The following GADL1 variants were observed in gnomAD, a reference collection of about 807,000 sequenced individuals.
GADL1 encodes the protein GAD like acidic amino acid decarboxylase 1.
In GADL1, 71 loss-of-function variants were observed where a neutral mutation model predicts 69.5. The observed-to-expected ratio is 1.02, with a 90% CI of 0.84 to 1.25. The LOEUF is 1.25. GADL1 is among the 50% of genes most tolerant of loss of function. The probability of loss-of-function intolerance (pLI) is 0.00; values close to 1 mark genes in which losing one functional copy is unlikely to be tolerated. For synonymous variants in GADL1, 254 were observed against 214.4 expected (o/e 1.18, Z -1.62); for missense variants, 737 against 631.8 (o/e 1.17, Z -1.79).
chr3:30,835,249 C>CT (rs1202384540), intron 9 of GADL1, among the ~76,000 whole-genome samples: 3 of 151,956 alleles, frequency 2.0e-5, no homozygotes, highest in Non-Finnish European at 2.9e-5. Flanking sequence ...TTTGGCCAAA[C>CT]TGGGGAGTAT....
At chr3:30,831,861 A>G (rs1697797994) in intron 11 of GADL1, among the ~76,000 whole-genome samples, 1 of 151,986 alleles carries the variant, frequency 6.6e-6, no homozygotes, top group Admixed American at 6.6e-5. Flanking sequence ...TACAATCAAC[A>G]GAGTCTGACA....
At chr3:30,787,771 A>C (rs902869793) in intron 12 of GADL1, among the ~76,000 whole-genome samples, 1 of 152,148 alleles carries the variant, frequency 6.6e-6, no homozygotes, top group African/African-American at 2.4e-5. Context: ...ATCTTCTTCA[A>C]TTTGAAATGG....
At chr3:30,751,913 C>T (rs7640461) in intron 14 of GADL1, among the ~76,000 whole-genome samples, 27,414 of 152,140 alleles carry the variant, frequency 0.18, 3,616 homozygotes, top group African/African-American at 0.35. Context: ...TGTTTCTCTC[C>T]CCAATATCCC....
rs925003988 is a variant in GADL1, at chr3:30,726,711, A to C, written c.*1531T>G. 1.3e-5 allele frequency: 2 copies of C among 152,146 alleles called. No homozygotes were observed. The highest frequency in any genetic ancestry group is 4.8e-5 in the African/African-American group (2 of 41,434). 9.4% of individuals were successfully genotyped at this position (152,146 alleles called of 1,614,324 possible). On this transcript the variant is annotated 3_prime_UTR_variant, in exon 15 of 15. Transcript: ENST00000282538. ...TAAGTCTAATGCTTTAACACTCTTC[A>C]ATCATTCACCTTTTAATGCAGACCT...
At chr3:30,823,868 G>A (rs1019226269) in intron 11 of GADL1, among the ~76,000 whole-genome samples, 5 of 151,862 alleles carry the variant, frequency 3.3e-5, no homozygotes, top group East Asian at 1.9e-4. Flanking sequence ...GATGGCTTTC[G>A]CAGCAGATTA....
rs72852552 is a variant in GADL1, at chr3:30,744,040, A to G, written c.1393-15625T>C. ...GCATGATCAAGAAATACACCTTTGT[A>G]TTATAAACCATTGAGATTTGGCTGG... is the stretch of plus-strand genomic sequence containing the variant. On this transcript the variant is annotated intron_variant, in intron 14 of 14. Coordinates refer to ENST00000282538, the MANE Select transcript of GADL1 (RefSeq NM_207359.3). Among the ~76,000 whole-genome samples the G allele has an allele frequency of 4.8e-3, 728 of 152,288 alleles. 7 individuals carry two copies. Among genetic ancestry groups the G allele is most frequent in the African/African-American group, 0.016 (675 of 41,556 alleles).
intron 11 of GADL1, among the ~76,000 whole-genome samples, chr3:30,805,594 G>A (rs139152080): frequency 3.1e-3 from 471 of 152,108 alleles, no homozygotes; most frequent in African/African-American, 0.011. Flanking sequence ...GAATGAATCC[G>A]TAGGTTGTAT....
chr3:30,749,609 T>C (rs1042198525), intron 14 of GADL1, among the ~76,000 whole-genome samples: 3 of 152,214 alleles, frequency 2.0e-5, no homozygotes, highest in Non-Finnish European at 4.4e-5. Context: ...ATTCCAACTG[T>C]GCTTCCCTGA....
At chr3:30,796,927 G>C (rs892238286) in intron 12 of GADL1, among the ~76,000 whole-genome samples, 1 of 152,172 alleles carries the variant, frequency 6.6e-6, no homozygotes, top group Non-Finnish European at 1.5e-5. Flanking sequence ...CCAAAGCCAT[G>C]TGTTTACCTG....
At chr3:30,763,778 TTATC>T (rs1196706740) in intron 14 of GADL1, among the ~76,000 whole-genome samples, 92 of 151,728 alleles carry the variant, frequency 6.1e-4, no homozygotes, top group African/African-American at 1.8e-3. Flanking sequence ...GACCATATCT[TTATC>T]TATCTCTCCA....
chr3:30,772,133 C>T (rs1696431237), intron 14 of GADL1, among the ~76,000 whole-genome samples: 2 of 149,786 alleles, frequency 1.3e-5, no homozygotes, highest in South Asian at 2.1e-4. Context: ...TCTGGAATAT[C>T]ATCAAGTTTT....
intron 1 of GADL1, among the ~76,000 whole-genome samples, chr3:30,882,247 G>T (rs977235790): frequency 6.6e-6 from 1 of 151,366 alleles, no homozygotes; most frequent in African/African-American, 2.4e-5. Flanking sequence ...TGTTTATTTG[G>T]ACATATATAA....
chr3:30,734,429 G>T (rs756586510), intron 14 of GADL1, among the ~76,000 whole-genome samples: 6 of 152,060 alleles, frequency 3.9e-5, no homozygotes, highest in Non-Finnish European at 1.5e-5. Context: ...TCCTTTACAC[G>T]TGCAGCTCAC....
chr3:30,819,438 A>G lies in GADL1; in HGVS notation c.1050+14415T>C, dbSNP rs368909330. Among the ~76,000 whole-genome samples the G allele has an allele frequency of 3.3e-5, 5 of 152,284 alleles. No individual in the cohort carries two copies. The East Asian group carries it at 5.8e-4, about 18-fold the overall frequency. On this transcript the variant is annotated intron_variant, in intron 11 of 14. Transcript: ENST00000282538. ...GAACCAGAATTTCATAACACATCTT[A>G]AGCACTTGGGAGGTTAAAATCACTT...
chr3:30,808,029 C>A (rs1226218997), intron 11 of GADL1, among the ~76,000 whole-genome samples: 1 of 151,804 alleles, frequency 6.6e-6, no homozygotes, highest in African/African-American at 2.4e-5. Flanking sequence ...GAGACCCCTT[C>A]GGGGGGGAAA....
intron 10 of GADL1, 101 bp from the exon 11 acceptor site, chr3:30,834,035 A>G (rs1697833390): frequency 1.1e-6 from 1 of 945,040 alleles, no homozygotes; most frequent in East Asian, 2.4e-5. Context: ...GTACTCATAC[A>G]TAGTTTACTG....
At chr3:30,818,852 G>A (rs911818916) in intron 11 of GADL1, among the ~76,000 whole-genome samples, 1 of 152,086 alleles carries the variant, frequency 6.6e-6, no homozygotes, top group Non-Finnish European at 1.5e-5. Context: ...TTCCCACCTT[G>A]CTGCTTATAC....
At chr3:30,802,510 G>A (rs1697183940) in intron 11 of GADL1, among the ~76,000 whole-genome samples, 1 of 152,164 alleles carries the variant, frequency 6.6e-6, no homozygotes, top group South Asian at 2.1e-4. Flanking sequence ...CAGTAGACAT[G>A]GCGGTCCTAG....
At chr3:30,735,443 T>C (rs1695528566) in intron 14 of GADL1, among the ~76,000 whole-genome samples, 1 of 152,150 alleles carries the variant, frequency 6.6e-6, no homozygotes. Context: ...ACCTATACAA[T>C]GGAATACTAC....
Sources: gnomAD v4.1 joint callset for allele counts (sites outside exome capture counted in the v4.1 genomes callset) on GRCh38, gnomAD v4.1.1 for gene constraint, MANE v1.5 for transcripts, NCBI Gene and HGNC (gene_info 2026-07-23, HGNC 2026-07-21) for gene names.